HMGCS2: variants seen among roughly 807,000 people sequenced by gnomAD.
The protein encoded by HMGCS2 is 3-hydroxy-3-methylglutaryl-CoA synthase 2, also known as hydroxymethylglutaryl-CoA synthase, mitochondrial.
A neutral mutation model predicts 57.4 loss-of-function variants in HMGCS2; 50 were observed. The ratio of observed to expected loss-of-function variants is 0.87; its 90% confidence interval spans 0.69 to 1.10. The LOEUF (loss-of-function observed/expected upper bound fraction) is 1.10, where lower values mean the gene tolerates loss of function less well. Among genes scored for constraint, HMGCS2 ranks in the 50% least tolerant of loss-of-function variants. HMGCS2 has a pLI of 0.00. For synonymous variants in HMGCS2, 254 were observed against 245.1 expected, an observed-to-expected ratio of 1.04 and a Z score of -0.34; for missense variants, 627 against 636.5, an observed-to-expected ratio of 0.99 and a Z score of 0.16.
intron 8 of HMGCS2, 100 bp downstream of exon 8, chr1:119,752,449 C>G: frequency 7.6e-7 from 1 of 1,322,206 alleles, no homozygotes; most frequent in Non-Finnish European, 1.1e-6. Flanking sequence ...TCGTAAAAGT[C>G]TTGACCCTGG....
intron 1 of HMGCS2, 72 bp from the exon 2 acceptor site, chr1:119,764,698 C>T: frequency 9.3e-7 from 1 of 1,077,984 alleles, no homozygotes; most frequent in Middle Eastern, 2.2e-4. Context: ...AGTAACATAG[C>T]AATCATTTAA....
At chr1:119,758,790 C>T (rs1652933274) in intron 4 of HMGCS2, among the ~76,000 whole-genome samples, 1 of 152,210 alleles carries the variant, frequency 6.6e-6, no homozygotes, top group South Asian at 2.1e-4. Context: ...GAAACAAATG[C>T]CAACCACTGT....
intron 2 of HMGCS2, 139 bp downstream of exon 2, chr1:119,764,033 G>A (rs1251831599): frequency 1.4e-6 from 1 of 725,682 alleles, no homozygotes; most frequent in African/African-American, 1.7e-5. Context: ...GGTTATTGTG[G>A]GATGATAGCA....
Position 119,759,941 on chromosome 1 carries a change from C to G in HMGCS2, c.608G>C (p.Gly203Ala). 1 of 1,614,100 alleles carries G rather than the reference C, an allele frequency of 6.2e-7. No homozygotes were observed. The highest frequency in any genetic ancestry group is 8.5e-7 in the Non-Finnish European group (1 of 1,179,960). The change falls in exon 3 of 10, where the codon GGT becomes GCT. Residue 203 changes from glycine (G) to alanine (A), a missense_variant. Physicochemically the swap from Gly to Ala is moderately conservative, Grantham distance 60 (BLOSUM62 0). Transcript: ENST00000369406. ...GGCCCCACCTGTGGGACGAGCATTA[C>G]CACTGGGATAGACGGCAATGTCTCC... is the stretch of plus-strand genomic sequence containing the variant. ...VCGDIAVYPS[G>A]NARPTGGAGA... is the part of the protein sequence containing the mutation.
intron 5 of HMGCS2, among the ~76,000 whole-genome samples, chr1:119,755,911 A>ATT (rs56187168): frequency 6.6e-6 from 1 of 151,366 alleles, no homozygotes; most frequent in Non-Finnish European, 1.5e-5. Flanking sequence ...ATATATATAT[A>ATT]TTTTTTTTCC....
rs1185689932 is a variant in HMGCS2 at position 119,764,540 on chromosome 1, G to A, written c.191C>T (p.Pro64Leu). ...GTCAGTTTGGTCCACATATTGGGCT[G>A]GGAAGTAGACCTCCAGGGCCAGGAT... Reference protein sequence around the residue: ...VGILALEVYFPAQYVDQTDLE... With the variant: ...VGILALEVYFLAQYVDQTDLE... Residue 64 changes from proline to leucine, a missense_variant, in exon 2 of 10, where the codon CCA becomes CTA. Transcript: ENST00000369406. 6.2e-7 allele frequency: 1 copy of A among 1,614,122 alleles called. No homozygotes were observed. The highest frequency in any genetic ancestry group is 1.1e-5 in the South Asian group (1 of 91,074).
intron 6 of HMGCS2, 89 bp downstream of exon 6, chr1:119,755,338 A>T (rs1652797265): frequency 7.7e-7 from 1 of 1,301,282 alleles, no homozygotes; most frequent in Admixed American, 1.7e-5. Flanking sequence ...CTGAGCCAAA[A>T]GAGAAACCCA....
intron 4 of HMGCS2, among the ~76,000 whole-genome samples, chr1:119,758,146 T>C (rs1163825002): frequency 1.3e-5 from 2 of 152,282 alleles, no homozygotes; most frequent in Non-Finnish European, 2.9e-5. Flanking sequence ...CTGCAATCTG[T>C]CTTTTGCGGA....
rs780272061 is a variant in HMGCS2, at chr1:119,768,773, T to G, written c.72A>C (p.Thr24=). 1.9e-6 allele frequency: 3 copies of G among 1,613,910 alleles called. No individual in the cohort carries two copies. Among genetic ancestry groups the G allele is most frequent in the Non-Finnish European group, 2.5e-6 (3 of 1,179,864 alleles). Residue 24 remains threonine, a synonymous_variant, in exon 1 of 10, where the codon ACA becomes ACC. Transcript: ENST00000369406. The part of the protein sequence containing the change: ...LTRAVQETSL[T]PARLLPVAHQ... ...GGGCTACTGGGAGCAGGCGAGCAGG[T>G]GTGAGGGAGGTTTCCTGCACCGCTC...
chr1:119,761,654 A>G (rs1271325026), intron 2 of HMGCS2, among the ~76,000 whole-genome samples: 1 of 151,996 alleles, frequency 6.6e-6, no homozygotes, highest in African/African-American at 2.4e-5. Context: ...AGTCCCAGCT[A>G]CTCGGGAGGC....
intron 1 of HMGCS2, among the ~76,000 whole-genome samples, chr1:119,765,182 C>A (rs1331613389): frequency 6.6e-6 from 1 of 152,206 alleles, no homozygotes; most frequent in East Asian, 1.9e-4. Flanking sequence ...GATCTCTGCT[C>A]ACTGCAAGCT....
chr1:119,755,092 CT>C (rs1652791369), intron 6 of HMGCS2, among the ~76,000 whole-genome samples: 1 of 152,156 alleles, frequency 6.6e-6, no homozygotes, highest in Non-Finnish European at 1.5e-5. Context: ...TCATGGCTCA[CT>C]GCAACCTTCC....
chr1:119,757,581 T>G (rs1046426164), intron 4 of HMGCS2, 143 bp from the exon 5 acceptor site: 41 of 1,341,056 alleles, frequency 3.1e-5, no homozygotes, highest in Non-Finnish European at 2.3e-5. Flanking sequence ...TGAGCTTTAT[T>G]TATTCATTTT....
rs1227400362 is a variant in HMGCS2 at position 119,759,987 on chromosome 1, G to A, written c.562C>T (p.Arg188Cys). 1.2e-6 allele frequency: 2 copies of A among 1,613,736 alleles called. No homozygotes were observed. Among genetic ancestry groups the A allele is most frequent in the Non-Finnish European group, 8.5e-7 (1 of 1,179,738 alleles). ...TCTCCACAGACCACCATGGCATAAC[G>A]ACCTGTAAAGAGAAACAAGAAATAT... ...NWMESSSWDGRYAMVVCGDIA... is the reference protein window; with the variant it reads ...NWMESSSWDGCYAMVVCGDIA... The change falls in exon 3 of 10, where the codon CGT becomes TGT. Residue 188 changes from arginine to cysteine, a missense_variant and splice_region_variant. Physicochemically the swap from Arg to Cys is radical, Grantham distance 180. Coordinates refer to ENST00000369406, the MANE Select transcript of HMGCS2 (RefSeq NM_005518.4).
intron 6 of HMGCS2, among the ~76,000 whole-genome samples, chr1:119,753,593 C>T (rs1349811663): frequency 6.6e-6 from 1 of 152,128 alleles, no homozygotes; most frequent in South Asian, 2.1e-4. Context: ...CAGGGACAGG[C>T]CTTTGTGTAG....
chr1:119,764,498 T>C lies in HMGCS2; in HGVS notation c.233A>G (p.Asn78Ser). 1.9e-6 allele frequency: 3 copies of C among 1,613,096 alleles called. No individual in the cohort carries two copies. The highest frequency in any genetic ancestry group is 1.7e-6 in the Non-Finnish European group (2 of 1,179,166). Reference sequence around the variant, plus strand: ...CACTGTATACTTTCCTGCTTCCACATTGTTATACTTCTCCAGGTCAGTTTG... The same window carrying C: ...CACTGTATACTTTCCTGCTTCCACACTGTTATACTTCTCCAGGTCAGTTTG... ...VDQTDLEKYN[N>S]VEAGKYTVGL... Residue 78 changes from asparagine (N) to serine (S), a missense_variant, in exon 2 of 10, where the codon AAT (asparagine) becomes AGT (serine). Coordinates refer to ENST00000369406, the MANE Select transcript of HMGCS2 (RefSeq NM_005518.4).
intron 2 of HMGCS2, among the ~76,000 whole-genome samples, chr1:119,762,189 T>C (rs1653069352): frequency 6.6e-6 from 1 of 152,118 alleles, no homozygotes; most frequent in Non-Finnish European, 1.5e-5. Context: ...TTAAAAAGAA[T>C]CAGATAGACC....
chr1:119,757,529 A>G (rs1270425285), intron 4 of HMGCS2, 91 bp from the exon 5 acceptor site: 2 of 1,595,146 alleles, frequency 1.3e-6, no homozygotes, highest in East Asian at 4.5e-5. Flanking sequence ...GAGTTTCTCC[A>G]GGCCTCCCAG....
intron 6 of HMGCS2, 45 bp from the exon 7 acceptor site, chr1:119,753,431 AC>A: frequency 1.2e-6 from 1 of 813,726 alleles, no homozygotes. Flanking sequence ...ACACACACAC[AC>A]ACACACACAC....
Sources: gnomAD v4.1 joint callset for allele counts (sites outside exome capture counted in the v4.1 genomes callset) on GRCh38, gnomAD v4.1.1 for gene constraint, MANE v1.5 for transcripts, NCBI Gene and HGNC (gene_info 2026-07-23, HGNC 2026-07-21) for gene names.